OSBPL2: variants seen among roughly 807,000 people sequenced by gnomAD.
OSBPL2 encodes oxysterol binding protein like 2, also known as oxysterol-binding protein-related protein 2.
A neutral mutation model predicts 58.4 loss-of-function variants in OSBPL2; 18 were observed. The observed-to-expected ratio is 0.31, with a 90% CI of 0.21 to 0.46. The LOEUF is 0.46. Ranked by LOEUF, OSBPL2 falls within the 20% of genes least tolerant of loss-of-function variation. The pLI, the probability that OSBPL2 is intolerant of heterozygous loss-of-function variation, is 1.00. For synonymous variants in OSBPL2, 221 were observed against 234.1 expected, an observed-to-expected ratio of 0.94 and a Z score of 0.51; for missense variants, 461 against 616.5, an observed-to-expected ratio of 0.75 and a Z score of 2.67.
intron 12 of OSBPL2, among the ~76,000 whole-genome samples, chr20:62,290,739 T>G (rs1030191739): frequency 6.7e-6 from 1 of 149,528 alleles, no homozygotes; most frequent in Non-Finnish European, 1.5e-5. Flanking sequence ...TTTTTGTTTT[T>G]TTTGTTTTTT....
At chr20:62,268,028 G>T (rs555482044) in intron 4 of OSBPL2, among the ~76,000 whole-genome samples, 3 of 150,516 alleles carry the variant, frequency 2.0e-5, no homozygotes, top group Non-Finnish European at 4.4e-5. Context: ...GACTACAGGC[G>T]CCTGCCACCG....
chr20:62,255,098 C>CT (rs11479147), intron 1 of OSBPL2: 123 of 134,450 alleles, frequency 9.1e-4, no homozygotes, highest in Admixed American at 1.1e-3. Flanking sequence ...GCCCCCATGA[C>CT]TTTTTTTTTT....
chr20:62,240,792 G>A (rs1225761897), intron 1 of OSBPL2, among the ~76,000 whole-genome samples: 2 of 152,014 alleles, frequency 1.3e-5, no homozygotes, highest in Admixed American at 6.5e-5. Context: ...CATTTTTTCT[G>A]AAATAAAGTA....
At chr20:62,293,662 A>G (rs1983669789) in intron 13 of OSBPL2, 123 bp from the exon 14 acceptor site, 1 of 772,648 alleles carries the variant, frequency 1.3e-6, no homozygotes, top group African/African-American at 1.8e-5. Context: ...GCTGGGCTGC[A>G]TTTTAAAACC....
Position 62,279,946 on chromosome 20 carries a change from G to A in OSBPL2, c.674+607G>A, listed in dbSNP as rs143847710. The A allele has an allele frequency of 6.7e-3, 8,695 of 1,303,334 alleles. 83 individuals carry two copies. Among genetic ancestry groups the A allele is most frequent in the Middle Eastern group, 0.035 (158 of 4,578 alleles). The allele number at this position is 1,303,334 out of a possible 1,614,324, so 80.7% of individuals were successfully genotyped here. ...TTGGAATTTGAAACAGCGTGGGAGG[G>A]GACCCTCTGAGAGGCTGCTTGCCAC... On this transcript the variant is annotated intron_variant, in intron 7 of 13. Transcript: ENST00000313733.
rs546079686 is a variant in OSBPL2, at chr20:62,249,043, A to G, written c.-128-7014A>G. On this transcript the variant is annotated intron_variant, in intron 1 of 13. Coordinates refer to ENST00000313733, the MANE Select transcript of OSBPL2 (RefSeq NM_144498.4). Reference sequence around the variant, plus strand: ...AGATGGGTTTGTACGACTTGAGTCCAAGTCTTCATACCAGTGGTAGGACAT... The same window carrying G: ...AGATGGGTTTGTACGACTTGAGTCCGAGTCTTCATACCAGTGGTAGGACAT... Among the ~76,000 whole-genome samples, 20 of 152,284 alleles carry G rather than the reference A, an allele frequency of 1.3e-4. No homozygotes were observed. The South Asian group carries it at 4.1e-3, about 32-fold the overall frequency.
chr20:62,246,657 C>T (rs1389447375), intron 1 of OSBPL2, among the ~76,000 whole-genome samples: 1 of 152,178 alleles, frequency 6.6e-6, no homozygotes, highest in African/African-American at 2.4e-5. Flanking sequence ...CTGGTCACTC[C>T]TGCCCCAGGG....
rs371646743 is a variant in OSBPL2 at position 62,246,131 on chromosome 20, G to A, written c.-129+7534G>A. Among the ~76,000 whole-genome samples the A allele has an allele frequency of 4.8e-3, 728 of 152,378 alleles. 1 individual carries two copies. Among genetic ancestry groups the A allele is most frequent in the South Asian group, 9.1e-3 (44 of 4,832 alleles). On this transcript the variant is annotated intron_variant, in intron 1 of 13. Coordinates refer to ENST00000313733, the MANE Select transcript of OSBPL2 (RefSeq NM_144498.4). ...GGGGCTGGCAAAGCCCTCTGCTCTC[G>A]CTGCTGCCGCCGCCTCCATCTTCCT...
At position 62,294,136 on chromosome 20, in the gene OSBPL2, T is replaced by A; in HGVS notation, c.*249T>A. On this transcript the variant is annotated 3_prime_UTR_variant, in exon 14 of 14. Coordinates refer to ENST00000313733, the MANE Select transcript of OSBPL2 (RefSeq NM_144498.4). The stretch of plus-strand genomic sequence containing the variant: ...CTTCATTAAGGTTTCAACAGGGAAA[T>A]TCTTCACGGCGCCCTTTTATGTGGC... 1 of 550,800 alleles carries A rather than the reference T, an allele frequency of 1.8e-6. No homozygotes were observed. Among genetic ancestry groups the A allele is most frequent in the Non-Finnish European group, 3.1e-6 (1 of 320,888 alleles). The allele number at this position is 550,800 out of a possible 1,614,324, so 34.1% of individuals were successfully genotyped here. A position where few individuals can be genotyped will look rare whatever the true frequency, so the allele number is the denominator to read the frequency against.
At chr20:62,258,127 G>A (rs1195016597) in intron 2 of OSBPL2, among the ~76,000 whole-genome samples, 1 of 152,212 alleles carries the variant, frequency 6.6e-6, no homozygotes, top group East Asian at 1.9e-4. Context: ...GTGCGGGGCT[G>A]TGGGGCGTTG....
Position 62,291,777 on chromosome 20 carries a change from G to A in OSBPL2, c.1324G>A (p.Ala442Thr), listed in dbSNP as rs779284816. ...EARRERAKEEAEWQTRWFYPG... is the reference protein window; with the variant it reads ...EARRERAKEETEWQTRWFYPG... ...ACGGAGGGAGCGGGCCAAGGAGGAG[G>A]CAGAGTGGCAGACGAGGTGAGTACT... is the stretch of plus-strand genomic sequence containing the variant. Residue 442 changes from alanine (A) to threonine (T), a missense_variant, in exon 13 of 14, where the codon GCA becomes ACA. By Grantham distance (58) the Ala-to-Thr change is moderately conservative. Transcript: ENST00000313733. 7.5e-6 allele frequency: 12 copies of A among 1,608,172 alleles called. No individual in the cohort carries two copies. In the South Asian group the frequency reaches 1.3e-4, roughly 18 times the overall value.
Position 62,295,969 on chromosome 20 carries a change from C to G in OSBPL2, c.*2082C>G, listed in dbSNP as rs1983835114. The G allele has an allele frequency of 6.6e-6, 1 of 152,232 alleles. No individual in the cohort carries two copies. The highest frequency in any genetic ancestry group is 2.1e-4 in the South Asian group (1 of 4,836). The allele number at this position is 152,232 out of a possible 1,614,324, so 9.4% of individuals were successfully genotyped here. A position where few individuals can be genotyped will look rare whatever the true frequency, so the allele number is the denominator to read the frequency against. ...GTTGGCTGCACAGACAGCCCCTCTT[C>G]TGCTGTCCTTGAGGACAGACACCAA... On this transcript the variant is annotated 3_prime_UTR_variant, in exon 14 of 14. Coordinates refer to ENST00000313733, the MANE Select transcript of OSBPL2 (RefSeq NM_144498.4). This position sits in a 1 kb window ranked among gnomAD's most constrained non-coding sequence, Gnocchi z 4.8.
At chr20:62,243,161 C>G (rs1033003025) in intron 1 of OSBPL2, among the ~76,000 whole-genome samples, 2 of 152,224 alleles carry the variant, frequency 1.3e-5, no homozygotes, top group African/African-American at 4.8e-5. Flanking sequence ...CAGGTGCGCA[C>G]AGGGCGTGGG....
chr20:62,267,909 G>C (rs1314571550), intron 4 of OSBPL2, among the ~76,000 whole-genome samples: 1 of 152,014 alleles, frequency 6.6e-6, no homozygotes, highest in Non-Finnish European at 1.5e-5. Context: ...TTTTGAGGGA[G>C]TCTCGCTCTG....
At chr20:62,258,214 T>G (rs1981060848) in intron 2 of OSBPL2, among the ~76,000 whole-genome samples, 1 of 152,044 alleles carries the variant, frequency 6.6e-6, no homozygotes, top group Non-Finnish European at 1.5e-5. Context: ...ACAAGAATTT[T>G]CCCCCTCAGT....
chr20:62,254,430 G>T (rs1057450644), intron 1 of OSBPL2, among the ~76,000 whole-genome samples: 1 of 152,264 alleles, frequency 6.6e-6, no homozygotes, highest in Admixed American at 6.5e-5. Context: ...AACTTCTCCC[G>T]TCTGCAAGGG....
intron 6 of OSBPL2, among the ~76,000 whole-genome samples, chr20:62,277,975 G>T (rs1568845377): frequency 6.6e-6 from 1 of 152,194 alleles, no homozygotes; most frequent in Non-Finnish European, 1.5e-5. Flanking sequence ...AGGGTTTAGG[G>T]TCCTGAGTTC....
At chr20:62,282,704 G>T (rs1169793443) in intron 9 of OSBPL2, among the ~76,000 whole-genome samples, 1 of 152,184 alleles carries the variant, frequency 6.6e-6, no homozygotes, top group Non-Finnish European at 1.5e-5. Flanking sequence ...GCGCACATCT[G>T]TAATCCCAGC....
At chr20:62,279,859 C>A in intron 7 of OSBPL2, 1 of 944,816 alleles carries the variant, frequency 1.1e-6, no homozygotes. Flanking sequence ...AGAAGGAAGC[C>A]AGGGAAGTGG....
Sources: gnomAD v4.1 joint callset for allele counts (sites outside exome capture counted in the v4.1 genomes callset) on GRCh38, gnomAD v4.1.1 for gene constraint, Gnocchi (gnomAD v3.1) non-coding constraint, MANE v1.5 for transcripts, NCBI Gene and HGNC (gene_info 2026-07-23, HGNC 2026-07-21) for gene names.